FMN1: variants seen among roughly 807,000 people sequenced by gnomAD.
FMN1 encodes the protein formin-1.
A neutral mutation model predicts 132.4 loss-of-function variants in FMN1; 110 were observed. That is an observed-to-expected ratio of 0.83 (90% CI 0.71 to 0.97). The LOEUF (loss-of-function observed/expected upper bound fraction) is 0.97, where lower values mean the gene tolerates loss of function less well. Ranked by LOEUF, FMN1 falls within the 50% of genes least tolerant of loss-of-function variation. The pLI is 0.00. For missense variants in FMN1, 1,792 were observed against 1,705.3 expected, an observed-to-expected ratio of 1.05 and a Z score of -0.90; for synonymous variants, 722 against 651.7, an observed-to-expected ratio of 1.11 and a Z score of -1.64.
rs563811078 is a variant in FMN1, at chr15:32,774,250, C to T, written c.*60G>A. 2.3e-6 allele frequency: 3 copies of T among 1,319,708 alleles called. 1 individual carries two copies. In the South Asian group the frequency reaches 3.8e-5, roughly 17 times the overall value. 81.7% of individuals were successfully genotyped at this position (1,319,708 alleles called of 1,614,324 possible). A position where few individuals can be genotyped will look rare whatever the true frequency, so the allele number is the denominator to read the frequency against. On this transcript the variant is annotated 3_prime_UTR_variant, in exon 21 of 21. Transcript: ENST00000616417. Reference sequence around the variant, plus strand: ...AGAACGTCCTGCAACCCTGTGGTCACAAAGAGTATGCGTGCAAGGTCCTCC... The same window carrying T: ...AGAACGTCCTGCAACCCTGTGGTCATAAAGAGTATGCGTGCAAGGTCCTCC...
intron 14 of FMN1, among the ~76,000 whole-genome samples, chr15:32,899,333 T>C (rs988269929): frequency 5.3e-5 from 8 of 152,090 alleles, no homozygotes; most frequent in African/African-American, 1.9e-4. Context: ...CCACACCACT[T>C]TATGACCCCG....
intron 5 of FMN1, among the ~76,000 whole-genome samples, chr15:33,072,887 C>T (rs2038051838): frequency 6.7e-6 from 1 of 148,764 alleles, no homozygotes; most frequent in Non-Finnish European, 1.5e-5. Flanking sequence ...GCACCCCCTG[C>T]ACTCCAGCCT....
intron 15 of FMN1, among the ~76,000 whole-genome samples, chr15:32,895,339 A>C (rs1243042850): frequency 1.3e-5 from 2 of 152,022 alleles, no homozygotes; most frequent in African/African-American, 4.8e-5. Flanking sequence ...TGTGGGAAAA[A>C]AGGGAAACAA....
intron 9 of FMN1, among the ~76,000 whole-genome samples, chr15:32,953,628 G>C (rs1008511127): frequency 6.6e-6 from 1 of 152,164 alleles, no homozygotes; most frequent in African/African-American, 2.4e-5. Context: ...ACTATCCTAG[G>C]AAGTAAGTGG....
chr15:33,007,664 G>A (rs2034489517), intron 7 of FMN1, among the ~76,000 whole-genome samples: 1 of 151,932 alleles, frequency 6.6e-6, no homozygotes. Context: ...CCGAACAAGA[G>A]GAAGCTGAAC....
chr15:32,834,472 A>T (rs2058576782), intron 17 of FMN1, among the ~76,000 whole-genome samples: 1 of 152,190 alleles, frequency 6.6e-6, no homozygotes, highest in African/African-American at 2.4e-5. Flanking sequence ...AGGAGGAAAA[A>T]ATCAGACAGA....
chr15:32,929,017 G>C (rs1468177382), intron 9 of FMN1, among the ~76,000 whole-genome samples: 15 of 152,226 alleles, frequency 9.9e-5, no homozygotes, highest in Non-Finnish European at 2.2e-4. Context: ...ACTGTGGAAA[G>C]GATGTTATCA....
At chr15:32,996,544 G>A (rs1392979126) in intron 7 of FMN1, among the ~76,000 whole-genome samples, 2 of 152,298 alleles carry the variant, frequency 1.3e-5, no homozygotes, top group South Asian at 4.1e-4. Context: ...AGGCAGTTCA[G>A]TGTACAGGGT....
chr15:33,184,031 GT>G (rs1284148458), intron 2 of FMN1, among the ~76,000 whole-genome samples: 1 of 152,010 alleles, frequency 6.6e-6, no homozygotes, highest in Non-Finnish European at 1.5e-5. Flanking sequence ...AAACTTATTG[GT>G]TTCACCATTC....
intron 7 of FMN1, among the ~76,000 whole-genome samples, chr15:33,006,777 A>C: frequency 6.6e-6 from 1 of 152,192 alleles, no homozygotes; most frequent in Non-Finnish European, 1.5e-5. Context: ...TGTTACGTGA[A>C]ATATGCCAAG....
At chr15:33,139,588 T>G (rs191013589) in intron 4 of FMN1, among the ~76,000 whole-genome samples, 2 of 152,346 alleles carry the variant, frequency 1.3e-5, no homozygotes, top group East Asian at 3.9e-4. Flanking sequence ...GAGACTTCTG[T>G]CTCTAAATAA....
At chr15:33,161,698 CA>C (rs1964897335) in intron 3 of FMN1, among the ~76,000 whole-genome samples, 1 of 152,068 alleles carries the variant, frequency 6.6e-6, no homozygotes. Flanking sequence ...GCGGGCGGAT[CA>C]CAAGGTCAGG....
chr15:33,022,997 T>C (rs2035485526), intron 6 of FMN1, among the ~76,000 whole-genome samples: 1 of 141,356 alleles, frequency 7.1e-6, no homozygotes, highest in Admixed American at 7.9e-5. Flanking sequence ...AAGTGAGCTA[T>C]GATCGCACCA....
At chr15:32,888,755 C>A (rs890832321) in intron 15 of FMN1, among the ~76,000 whole-genome samples, 14 of 152,004 alleles carry the variant, frequency 9.2e-5, no homozygotes, top group African/African-American at 3.4e-4. Flanking sequence ...ATACAATCAC[C>A]CTCCCATCAC....
At chr15:33,043,565 CCTTTAA>C (rs2036540513) in intron 6 of FMN1, among the ~76,000 whole-genome samples, 1 of 152,242 alleles carries the variant, frequency 6.6e-6, no homozygotes, top group South Asian at 2.1e-4. Flanking sequence ...CAATTAAACT[CCTTTAA>C]CTTTAATTTG....
intron 7 of FMN1, among the ~76,000 whole-genome samples, chr15:32,987,477 C>A (rs1265465872): frequency 6.6e-6 from 1 of 152,166 alleles, no homozygotes; most frequent in Admixed American, 6.5e-5. Flanking sequence ...CCCGACTGCA[C>A]ATCAGAGCAG....
chr15:33,108,192 C>T (rs1378332256), intron 4 of FMN1, among the ~76,000 whole-genome samples: 1 of 151,992 alleles, frequency 6.6e-6, no homozygotes, highest in African/African-American at 2.4e-5. Context: ...TTCTTGCCTA[C>T]TCATTTTTTG....
intron 17 of FMN1, among the ~76,000 whole-genome samples, chr15:32,837,955 C>T (rs2058664749): frequency 6.6e-6 from 1 of 152,130 alleles, no homozygotes; most frequent in South Asian, 2.1e-4. Context: ...ATCCCAAGTG[C>T]TATTGCCTCA....
chr15:32,911,970 C>A (rs1567378077), intron 10 of FMN1, among the ~76,000 whole-genome samples: 1 of 152,122 alleles, frequency 6.6e-6, no homozygotes, highest in African/African-American at 2.4e-5. Context: ...ATGTCTAGTG[C>A]GTTGAAAACC....
Sources: allele counts gnomAD v4.1 joint callset (sites outside exome capture counted in the v4.1 genomes callset), GRCh38; gene constraint gnomAD v4.1.1; transcripts MANE v1.5; gene names NCBI Gene and HGNC (gene_info 2026-07-23, HGNC 2026-07-21).